Variants in PLCB4 observed in about 807,000 individuals in gnomAD.
The protein encoded by PLCB4 is 1-phosphatidylinositol 4,5-bisphosphate phosphodiesterase beta-4.
A neutral mutation model predicts 178.8 loss-of-function variants in PLCB4; 77 were observed. That is an observed-to-expected ratio of 0.43 (90% CI 0.36 to 0.52). The LOEUF is 0.52. Ranked by LOEUF, PLCB4 falls within the 20% of genes least tolerant of loss-of-function variation. PLCB4 has a pLI of 0.00. For missense variants in PLCB4, 1,024 were observed against 1,453.4 expected (o/e 0.70, Z 4.80); for synonymous variants, 496 against 490.8 (o/e 1.01, Z -0.14).
At chr20:9,108,548 A>G (rs2091453081) in intron 2 of PLCB4, among the ~76,000 whole-genome samples, 1 of 152,048 alleles carries the variant, frequency 6.6e-6, no homozygotes, top group South Asian at 2.1e-4. Flanking sequence ...GTCAGCTTGA[A>G]TTCCTTGCTG....
At chr20:9,369,510 C>G (rs1233219956) in intron 9 of PLCB4, among the ~76,000 whole-genome samples, 1 of 152,170 alleles carries the variant, frequency 6.6e-6, no homozygotes. Flanking sequence ...TACTAGGAAT[C>G]TTAACCATTT....
At chr20:9,165,420 A>T (rs536692091) in intron 2 of PLCB4, among the ~76,000 whole-genome samples, 1 of 152,294 alleles carries the variant, frequency 6.6e-6, no homozygotes, top group South Asian at 2.1e-4. Context: ...AAGTGCGTTG[A>T]AAACTTGTCA....
intron 39 of PLCB4, among the ~76,000 whole-genome samples, chr20:9,478,153 T>G (rs1208964353): frequency 2.0e-5 from 3 of 152,148 alleles, no homozygotes; most frequent in Non-Finnish European, 4.4e-5. Flanking sequence ...TTCCTATGTT[T>G]CCAAGCAAGT....
intron 2 of PLCB4, among the ~76,000 whole-genome samples, chr20:9,193,462 A>T (rs1178795923): frequency 6.6e-6 from 1 of 152,202 alleles, no homozygotes; most frequent in Non-Finnish European, 1.5e-5. Flanking sequence ...CCCCTGTGTC[A>T]GAATGAACAC....
At chr20:9,437,188 C>T (rs372727525) in intron 30 of PLCB4, 36 bp downstream of exon 30, 231 of 1,586,866 alleles carry the variant, frequency 1.5e-4, no homozygotes, top group Non-Finnish European at 1.9e-4. Context: ...ATCTTCTGCA[C>T]CCACCTTAAT....
chr20:9,474,675 AAAAATAAAAT>A (rs77558691), intron 38 of PLCB4, among the ~76,000 whole-genome samples: 31 of 151,342 alleles, frequency 2.0e-4, no homozygotes, highest in South Asian at 1.1e-3. Flanking sequence ...TTGAGAAAGT[AAAAATAAAAT>A]AAAATAAAAT....
intron 2 of PLCB4, among the ~76,000 whole-genome samples, chr20:9,175,271 C>T (rs1414885494): frequency 6.6e-6 from 1 of 152,196 alleles, no homozygotes; most frequent in African/African-American, 2.4e-5. Flanking sequence ...TGTATTGTCA[C>T]ACTAGGGTGC....
At chr20:9,436,923 T>C in intron 29 of PLCB4, 79 bp from the exon 30 acceptor site, 4 of 1,340,900 alleles carry the variant, frequency 3.0e-6, no homozygotes, top group Middle Eastern at 4.0e-4. Flanking sequence ...GTTTACTGGA[T>C]TCAGTAAAAT....
At chr20:9,305,891 TC>T (rs2094759890) in intron 3 of PLCB4, among the ~76,000 whole-genome samples, 1 of 152,190 alleles carries the variant, frequency 6.6e-6, no homozygotes, top group African/African-American at 2.4e-5. Flanking sequence ...TCTTTTCTCT[TC>T]CTGCATCTTT....
intron 3 of PLCB4, among the ~76,000 whole-genome samples, chr20:9,256,386 A>C (rs1376594172): frequency 6.6e-6 from 1 of 152,180 alleles, no homozygotes; most frequent in African/African-American, 2.4e-5. Context: ...GCACACTCCC[A>C]GCAAGGAGAA....
In PLCB4 at chr20:9,473,309, C is replaced by A. The variant is rs184402554; in HGVS notation, c.3439C>A (p.Gln1147Lys). The change falls in exon 38 of 40, where the codon CAG (glutamine) becomes AAG (lysine). Residue 1147 changes from glutamine to lysine, a missense_variant. Gln to Lys is a moderately conservative substitution (Grantham distance 53). Transcript: ENST00000378473. ...LAMKQSKEMD[Q>K]LKKVQLEHLE... ...CATGAAGCAGTCCAAAGAAATGGAT[C>A]AGTTGAAAAAAGTCCAGCTTGAACA... The A allele has an allele frequency of 7.7e-6, 12 of 1,552,026 alleles. No homozygotes were observed. In the African/African-American group the frequency reaches 1.2e-4, roughly 15 times the overall value.
chr20:9,272,915 A>T (rs940911003), intron 3 of PLCB4, among the ~76,000 whole-genome samples: 1 of 143,286 alleles, frequency 7.0e-6, no homozygotes. Context: ...CATTTTACCT[A>T]CCTTGGTACC....
rs376704644 is a variant in PLCB4 at position 9,316,720 on chromosome 20, G to A, written c.84+8822G>A. On this transcript the variant is annotated intron_variant, in intron 4 of 39. Coordinates refer to ENST00000378473, the MANE Select transcript of PLCB4 (RefSeq NM_001377142.1). Reference sequence around the variant, plus strand: ...GATGTGAGAAGAAAGCCAAGGCCAGGCATCTGAGCACCACCTCAGTTGGCC... The same window carrying A: ...GATGTGAGAAGAAAGCCAAGGCCAGACATCTGAGCACCACCTCAGTTGGCC... Among the ~76,000 whole-genome samples, 3 of 152,250 alleles carry A rather than the reference G, an allele frequency of 2.0e-5. No individual in the cohort carries two copies. The East Asian group carries it at 5.8e-4, about 29-fold the overall frequency.
chr20:9,223,729 G>C (rs1049832129), intron 3 of PLCB4, among the ~76,000 whole-genome samples: 2 of 152,242 alleles, frequency 1.3e-5, no homozygotes, highest in Non-Finnish European at 2.9e-5. Context: ...TGGAAGTCAT[G>C]CATGGTCACG....
intron 9 of PLCB4, among the ~76,000 whole-genome samples, chr20:9,368,598 G>A (rs1420869196): frequency 6.6e-6 from 1 of 152,168 alleles, no homozygotes; most frequent in African/African-American, 2.4e-5. Context: ...TGAAGGCCCA[G>A]CAGCCCACGA....
intron 2 of PLCB4, among the ~76,000 whole-genome samples, chr20:9,182,911 T>C (rs539818587): frequency 1.8e-4 from 28 of 152,178 alleles, no homozygotes; most frequent in Non-Finnish European, 3.5e-4. Context: ...TAATTGCTCA[T>C]TTTCATCATA....
At chr20:9,399,608 A>C (rs2038876069) in intron 19 of PLCB4, among the ~76,000 whole-genome samples, 1 of 152,204 alleles carries the variant, frequency 6.6e-6, no homozygotes, top group South Asian at 2.1e-4. Context: ...CCAGGATAGG[A>C]GACAAGTAGT....
At chr20:9,153,039 A>C (rs1442429100) in intron 2 of PLCB4, among the ~76,000 whole-genome samples, 3 of 152,142 alleles carry the variant, frequency 2.0e-5, no homozygotes, top group Non-Finnish European at 2.9e-5. Flanking sequence ...CGTTTTGGCC[A>C]ATGCCTCCTA....
At chr20:9,117,328 C>T (rs571906017) in intron 2 of PLCB4, among the ~76,000 whole-genome samples, 1 of 152,124 alleles carries the variant, frequency 6.6e-6, no homozygotes, top group South Asian at 2.1e-4. Flanking sequence ...CATATTTTTA[C>T]AGCTCAGGAT....
Sources: allele counts gnomAD v4.1 joint callset (sites outside exome capture counted in the v4.1 genomes callset), GRCh38; gene constraint gnomAD v4.1.1; transcripts MANE v1.5; gene names NCBI Gene and HGNC (gene_info 2026-07-23, HGNC 2026-07-21).